The following VIRMA variants were observed in gnomAD, a reference collection of about 807,000 sequenced individuals.
The protein encoded by VIRMA is vir like m6A methyltransferase associated, also known as protein virilizer homolog.
VIRMA carries 65 observed loss-of-function variants against 182.4 expected under a neutral mutation model. The ratio of observed to expected loss-of-function variants is 0.36; its 90% CI spans 0.29 to 0.44. The LOEUF (loss-of-function observed/expected upper bound fraction) is 0.44, where lower values mean the gene tolerates loss of function less well. VIRMA is among the 20% of genes least tolerant of loss of function. The pLI, the probability that VIRMA is intolerant of heterozygous loss-of-function variation, is 1.00. For synonymous variants in VIRMA, 709 were observed against 743.1 expected, an observed-to-expected ratio of 0.95 and a Z score of 0.75; for missense variants, 1,752 against 2,158.1, an observed-to-expected ratio of 0.81 and a Z score of 3.73.
chr8:94,514,248 C>T (rs887337794), intron 11 of VIRMA, among the ~76,000 whole-genome samples: 10 of 152,172 alleles, frequency 6.6e-5, no homozygotes, highest in Admixed American at 5.9e-4. Context: ...TCTTCCTATG[C>T]TACACGATGG....
At chr8:94,544,807 A>G (rs979068590) in intron 1 of VIRMA, among the ~76,000 whole-genome samples, 5 of 152,106 alleles carry the variant, frequency 3.3e-5, no homozygotes, top group South Asian at 2.1e-4. Flanking sequence ...TGAATTATAG[A>G]TAAGAAACTG....
intron 9 of VIRMA, among the ~76,000 whole-genome samples, chr8:94,518,324 A>G (rs114616646): frequency 6.6e-6 from 1 of 152,312 alleles, no homozygotes; most frequent in African/African-American, 2.4e-5. Flanking sequence ...ACCTGCCTTC[A>G]ACACTCAGTA....
At chr8:94,506,393 C>A (rs1814154874) in intron 16 of VIRMA, 107 bp downstream of exon 16, 1 of 699,096 alleles carries the variant, frequency 1.4e-6, no homozygotes, top group Non-Finnish European at 2.3e-6. Context: ...CGAAAGAAAT[C>A]ATTTCTTCAA....
chr8:94,522,102 G>A (rs757566078), intron 8 of VIRMA, among the ~76,000 whole-genome samples: 19 of 152,172 alleles, frequency 1.2e-4, no homozygotes, highest in Non-Finnish European at 1.9e-4. Flanking sequence ...AAGATAGGCA[G>A]TGAGTGCCTA....
chr8:94,550,482 C>T (rs1217047698), intron 1 of VIRMA, among the ~76,000 whole-genome samples: 1 of 151,974 alleles, frequency 6.6e-6, no homozygotes, highest in Admixed American at 6.6e-5. Flanking sequence ...TTAGTAGAGA[C>T]AGGGTTTCAC....
At chr8:94,546,006 G>A (rs1331508984) in intron 1 of VIRMA, among the ~76,000 whole-genome samples, 2 of 144,128 alleles carry the variant, frequency 1.4e-5, no homozygotes, top group Admixed American at 6.7e-5. Flanking sequence ...GCAGTGAGTC[G>A]TGATGGCACC....
At chr8:94,536,727 C>A (rs950249479) in intron 4 of VIRMA, among the ~76,000 whole-genome samples, 4 of 152,138 alleles carry the variant, frequency 2.6e-5, no homozygotes, top group African/African-American at 9.7e-5. Context: ...CGCCTGTAAT[C>A]CTAGCACTTT....
At chr8:94,522,157 T>C (rs1814795041) in intron 8 of VIRMA, among the ~76,000 whole-genome samples, 1 of 152,230 alleles carries the variant, frequency 6.6e-6, no homozygotes, top group African/African-American at 2.4e-5. Flanking sequence ...ATTAGCTTGA[T>C]ATAATTATTC....
intron 1 of VIRMA, among the ~76,000 whole-genome samples, chr8:94,548,045 T>C (rs1418417978): frequency 7.1e-6 from 1 of 140,916 alleles, no homozygotes; most frequent in Middle Eastern, 3.4e-3. Context: ...AAAAAATATA[T>C]ATAGCATTAC....
At chr8:94,548,367 G>T (rs546293057) in intron 1 of VIRMA, among the ~76,000 whole-genome samples, 1 of 151,060 alleles carries the variant, frequency 6.6e-6, no homozygotes, top group Non-Finnish European at 1.5e-5. Flanking sequence ...TGGGCAACGG[G>T]TGTATACATT....
chr8:94,543,829 A>G lies in VIRMA; in HGVS notation c.177T>C (p.Tyr59=). The change falls in exon 2 of 24, where the codon TAT becomes TAC. Residue 59 remains tyrosine, a splice_region_variant and synonymous_variant. Coordinates refer to ENST00000297591, the MANE Select transcript of VIRMA (RefSeq NM_015496.5). ...AHSSLPDNRA[Y]GETSPHTFQL... ...TTTTAAAAAGAGAGTTGACTTACCC[A>G]TATGCTCTATTGTCTGGCAGACTGC... The G allele has an allele frequency of 6.5e-7, 1 of 1,541,880 alleles. No individual in the cohort carries two copies. Among genetic ancestry groups the G allele is most frequent in the East Asian group, 2.3e-5 (1 of 44,260 alleles).
chr8:94,507,876 T>C (rs1814214400), intron 15 of VIRMA, among the ~76,000 whole-genome samples: 2 of 150,572 alleles, frequency 1.3e-5, no homozygotes, highest in South Asian at 2.1e-4. Context: ...CTACTTTATA[T>C]ATATACATGT....
chr8:94,543,266 T>TGTG (rs537700717), intron 2 of VIRMA, among the ~76,000 whole-genome samples: 161 of 151,160 alleles, frequency 1.1e-3, no homozygotes, highest in African/African-American at 3.4e-3. Context: ...ATTAGCCAGG[T>TGTG]GTGGTGGTGG....
At chr8:94,512,881 C>G (rs1814426332) in intron 11 of VIRMA, among the ~76,000 whole-genome samples, 1 of 152,184 alleles carries the variant, frequency 6.6e-6, no homozygotes, top group African/African-American at 2.4e-5. Flanking sequence ...TTTTTAAATG[C>G]AGATACCAAC....
chr8:94,544,651 C>T (rs1340291252), intron 1 of VIRMA, among the ~76,000 whole-genome samples: 13 of 110,944 alleles, frequency 1.2e-4, no homozygotes, highest in Non-Finnish European at 1.2e-4. Flanking sequence ...ACAGAGCGAG[C>T]GACTCTGTCT....
intron 18 of VIRMA, 47 bp from the exon 19 acceptor site, chr8:94,495,938 G>C (rs770670787): frequency 1.9e-6 from 3 of 1,550,270 alleles, no homozygotes; most frequent in Admixed American, 1.8e-5. Flanking sequence ...TAAAACTTAT[G>C]TCTGTAAACC....
At chr8:94,537,076 A>C (rs1234346081) in intron 4 of VIRMA, 27 bp downstream of exon 4, 3 of 1,500,926 alleles carry the variant, frequency 2.0e-6, no homozygotes, top group Non-Finnish European at 2.8e-6. Flanking sequence ...TAGTAATGAC[A>C]AGCTGAAAAC....
At chr8:94,494,789 T>C (rs1813715876) in intron 20 of VIRMA, 71 bp downstream of exon 20, 3 of 938,574 alleles carry the variant, frequency 3.2e-6, no homozygotes, top group Admixed American at 2.3e-5. Flanking sequence ...GAAACTATTA[T>C]AATGCTAACA....
intron 2 of VIRMA, among the ~76,000 whole-genome samples, chr8:94,539,105 C>A (rs1815451354): frequency 6.6e-6 from 1 of 150,454 alleles, no homozygotes; most frequent in Non-Finnish European, 1.5e-5. Flanking sequence ...CAAGTTATCA[C>A]TATGTTGCCC....
Sources: allele counts gnomAD v4.1 joint callset (sites outside exome capture counted in the v4.1 genomes callset), GRCh38; gene constraint gnomAD v4.1.1; transcripts MANE v1.5; gene names NCBI Gene and HGNC (gene_info 2026-07-23, HGNC 2026-07-21).